The following NLRC4 variants were observed in gnomAD, a reference collection of about 807,000 sequenced individuals.
NLRC4 encodes the protein NLR family CARD domain containing 4.
A neutral mutation model predicts 79.9 loss-of-function variants in NLRC4; 63 were observed. The observed-to-expected ratio is 0.79, with a 90% CI of 0.64 to 0.97. The LOEUF (loss-of-function observed/expected upper bound fraction) is 0.97, where lower values mean the gene tolerates loss of function less well. Among genes scored for constraint, NLRC4 ranks in the 50% least tolerant of loss-of-function variants. NLRC4 has a pLI of 0.00. For synonymous variants in NLRC4, 461 were observed against 456.5 expected (o/e 1.01, Z -0.12); for missense variants, 1,074 against 1,215.2 (o/e 0.88, Z 1.73).
At chr2:32,238,051 A>T in intron 6 of NLRC4, 81 bp downstream of exon 6, 1 of 938,696 alleles carries the variant, frequency 1.1e-6, no homozygotes, top group South Asian at 2.4e-5. Flanking sequence ...TTTCCATTTG[A>T]GACATTTAGT....
chr2:32,263,535 T>G (rs1687400023), intron 1 of NLRC4, among the ~76,000 whole-genome samples: 1 of 152,222 alleles, frequency 6.6e-6, no homozygotes, highest in African/African-American at 2.4e-5. Context: ...GTTGAAGCCC[T>G]GAACCTCAGA....
rs562409988 is a variant in NLRC4, at chr2:32,241,759, A to G, written c.2258-634T>C. Among the ~76,000 whole-genome samples the G allele has an allele frequency of 8.9e-5, 13 of 145,790 alleles. No individual in the cohort carries two copies. The South Asian group carries it at 2.6e-3, about 29-fold the overall frequency. On this transcript the variant is annotated intron_variant, in intron 4 of 8. Coordinates refer to ENST00000402280, the MANE Select transcript of NLRC4 (RefSeq NM_001199138.2). Reference sequence around the variant, plus strand: ...ATGCATTAAAGAAGAAGTCTCATGGAAACTTTGATAATATTTTGAAAAATA... The same window carrying G: ...ATGCATTAAAGAAGAAGTCTCATGGGAACTTTGATAATATTTTGAAAAATA...
chr2:32,253,964 C>A (rs867657414), intron 2 of NLRC4, among the ~76,000 whole-genome samples: 367 of 107,692 alleles, frequency 3.4e-3, no homozygotes, highest in South Asian at 4.7e-3. Context: ...AACTCTGTCT[C>A]AAAAAAAAAA....
At chr2:32,239,528 C>A (rs1686748447) in intron 5 of NLRC4, among the ~76,000 whole-genome samples, 1 of 152,130 alleles carries the variant, frequency 6.6e-6, no homozygotes, top group African/African-American at 2.4e-5. Flanking sequence ...GTTATTCAAT[C>A]TTTTAGCTGA....
In NLRC4 at chr2:32,249,636, A is replaced by G; in HGVS notation, c.2228T>C (p.Ile743Thr). 6.2e-7 allele frequency: 1 copy of G among 1,608,274 alleles called. No homozygotes were observed. Among genetic ancestry groups the G allele is most frequent in the Non-Finnish European group, 8.5e-7 (1 of 1,177,692 alleles). ...CAGCCGTTGATTCTGTAGGTCATGA[A>G]TACTCAAGGTTTTCAGGTTTGTTAC... ...TSVTNLKTLS[I>T]HDLQNQRLPG... Residue 743 changes from isoleucine (I) to threonine (T), a missense_variant, in exon 4 of 9, where the codon ATT becomes ACT. Physicochemically the swap from Ile to Thr is moderately conservative, Grantham distance 89. Transcript: ENST00000402280.
At chr2:32,248,415 A>G (rs1686988749) in intron 4 of NLRC4, among the ~76,000 whole-genome samples, 1 of 152,230 alleles carries the variant, frequency 6.6e-6, no homozygotes, top group South Asian at 2.1e-4. Context: ...TGACATAGAG[A>G]TCATAAGACT....
Position 32,249,666 on chromosome 2 carries a change from G to A in NLRC4, c.2198C>T (p.Thr733Ile), listed in dbSNP as rs374591958. ...CAAGGTTTTCAGGTTTGTTACAGAT[G>A]TGATGTGCCTCTCATCTTCTATGGT... The part of the protein sequence containing the change: ...PLTIEDERHI[T>I]SVTNLKTLSI... Residue 733 changes from threonine (T) to isoleucine (I), a missense_variant, in exon 4 of 9, where the codon ACA becomes ATA. Thr to Ile is a moderately conservative substitution (Grantham distance 89). Coordinates refer to ENST00000402280, the MANE Select transcript of NLRC4 (RefSeq NM_001199138.2). 5 of 1,613,616 alleles carry A rather than the reference G, an allele frequency of 3.1e-6. No individual in the cohort carries two copies. Among genetic ancestry groups the A allele is most frequent in the Non-Finnish European group, 3.4e-6 (4 of 1,179,846 alleles).
chr2:32,249,879 A>G lies in NLRC4; in HGVS notation c.1985T>C (p.Leu662Pro), dbSNP rs183931238. Residue 662 changes from leucine to proline, a missense_variant, in exon 4 of 9, where the codon CTG (leucine) becomes CCG (proline). Coordinates refer to ENST00000402280, the MANE Select transcript of NLRC4 (RefSeq NM_001199138.2). ...GCTGAAATCCCGGAGTGTGACCTCC[A>G]GAGTCCTGAATTCCTGCTTCCAGTT... ...FFNWKQEFRTLEVTLRDFSKL... is the reference protein window; with the variant it reads ...FFNWKQEFRTPEVTLRDFSKL... The G allele has an allele frequency of 2.5e-6, 4 of 1,614,214 alleles. No individual in the cohort carries two copies. The African/African-American group carries it at 4.0e-5, about 16-fold the overall frequency.
rs2148941505 is a variant in NLRC4 at position 32,249,639 on chromosome 2, C to T, written c.2225G>A (p.Ser742Asn). 1 of 1,609,490 alleles carries T rather than the reference C, an allele frequency of 6.2e-7. No individual in the cohort carries two copies. Among genetic ancestry groups the T allele is most frequent in the Non-Finnish European group, 8.5e-7 (1 of 1,178,114 alleles). Residue 742 changes from serine (S) to asparagine (N), a missense_variant, in exon 4 of 9, where the codon AGT becomes AAT. Transcript: ENST00000402280. The part of the protein sequence containing the change: ...ITSVTNLKTL[S>N]IHDLQNQRLP... Reference sequence around the variant, plus strand: ...CCGTTGATTCTGTAGGTCATGAATACTCAAGGTTTTCAGGTTTGTTACAGA... The same window carrying T: ...CCGTTGATTCTGTAGGTCATGAATATTCAAGGTTTTCAGGTTTGTTACAGA...
intron 6 of NLRC4, among the ~76,000 whole-genome samples, chr2:32,237,641 CAGTT>C (rs1469736432): frequency 6.6e-6 from 1 of 152,140 alleles, no homozygotes; most frequent in Non-Finnish European, 1.5e-5. Context: ...CAGAAATATG[CAGTT>C]AGTTTCCCCG....
chr2:32,248,966 G>C (rs1687002256), intron 4 of NLRC4, among the ~76,000 whole-genome samples: 1 of 152,198 alleles, frequency 6.6e-6, no homozygotes, highest in Non-Finnish European at 1.5e-5. Context: ...TTGGAGAAGA[G>C]AGTGATTTCA....
chr2:32,252,723 A>C, intron 2 of NLRC4, 44 bp from the exon 3 acceptor site: 1 of 1,565,712 alleles, frequency 6.4e-7, no homozygotes, highest in Non-Finnish European at 8.8e-7. Context: ...TACTTATATA[A>C]AATGTGCATA....
chr2:32,252,051 C>G (rs1368977402), intron 3 of NLRC4, among the ~76,000 whole-genome samples: 1 of 152,160 alleles, frequency 6.6e-6, no homozygotes, highest in African/African-American at 2.4e-5. Flanking sequence ...ACCAGGAGGC[C>G]TGGACATGGA....
Position 32,238,221 on chromosome 2 carries a change from A to T in NLRC4, c.2432T>A (p.Ile811Lys). 6.2e-7 allele frequency: 1 copy of T among 1,613,584 alleles called. No homozygotes were observed. Among genetic ancestry groups the T allele is most frequent in the Non-Finnish European group, 8.5e-7 (1 of 1,179,546 alleles). ...GGGTTCACTTGACAGAGACTTGACTATGTAATCCATTCCCTCTCCAATGTC... is the reference window on the plus strand; with the variant it reads ...GGGTTCACTTGACAGAGACTTGACTTTGTAATCCATTCCCTCTCCAATGTC... ...LSDIGEGMDY[I>K]VKSLSSEPCD... is the part of the protein sequence containing the mutation. The change falls in exon 6 of 9, where the codon ATA becomes AAA. Residue 811 changes from isoleucine to lysine, a missense_variant. Coordinates refer to ENST00000402280, the MANE Select transcript of NLRC4 (RefSeq NM_001199138.2).
At chr2:32,236,379 G>A in intron 6 of NLRC4, 40 bp from the exon 7 acceptor site, 3 of 1,272,056 alleles carry the variant, frequency 2.4e-6, no homozygotes, top group Non-Finnish European at 3.4e-6. Context: ...AGATTTTCAG[G>A]TAAATATAAA....
rs1230297800 is a variant in NLRC4, at chr2:32,234,402, G to C, written c.2782+999C>G. 5.3e-5 allele frequency among the ~76,000 whole-genome samples: 8 copies of C among 151,614 alleles called. No homozygotes were observed. The East Asian group carries it at 1.5e-3, about 29-fold the overall frequency. On this transcript the variant is annotated intron_variant, in intron 8 of 8. Coordinates refer to ENST00000402280, the MANE Select transcript of NLRC4 (RefSeq NM_001199138.2). ...GTCTAAAAAAAAAACAAAAAACAAA[G>C]AACAAAAACAGTTTAATAAATTGTA...
intron 4 of NLRC4, among the ~76,000 whole-genome samples, chr2:32,245,816 T>A (rs1053168306): frequency 1.3e-5 from 2 of 152,220 alleles, no homozygotes; most frequent in African/African-American, 4.8e-5. Flanking sequence ...AATGAGTTGA[T>A]ACACGAAATT....
In NLRC4 at chr2:32,250,553, T is replaced by C. The variant is rs755272665; in HGVS notation, c.1311A>G (p.Pro437=). ...ATGACTTGTGAAAGAATTTATACTTTGGCTTGAACCTTTGAGCTGTATATT... is the reference window on the plus strand; with the variant it reads ...ATGACTTGTGAAAGAATTTATACTTCGGCTTGAACCTTTGAGCTGTATATT... ...LCKYTAQRFK[P]KYKFFHKSFQ... is the part of the protein sequence containing the mutation. Residue 437 remains proline, a synonymous_variant, in exon 4 of 9, where the codon CCA becomes CCG. Coordinates refer to ENST00000402280, the MANE Select transcript of NLRC4 (RefSeq NM_001199138.2). This position sits in a 1 kb window ranked among gnomAD's most constrained non-coding sequence, Gnocchi z 4.9. 8.7e-6 allele frequency: 14 copies of C among 1,614,116 alleles called. No homozygotes were observed. Among genetic ancestry groups the C allele is most frequent in the East Asian group, 4.5e-5 (2 of 44,896 alleles).
chr2:32,228,451 C>G lies in NLRC4; in HGVS notation c.2783-3686G>C, dbSNP rs140830536. 1.8e-3 allele frequency among the ~76,000 whole-genome samples: 281 copies of G among 152,282 alleles called. 2 individuals are homozygous for G. The highest frequency in any genetic ancestry group is 6.5e-3 in the African/African-American group (272 of 41,558). On this transcript the variant is annotated intron_variant, in intron 8 of 8. Transcript: ENST00000402280. ...CAGAACTCCCTATCAACTTGTGTCTCCCTCTAAAATGTGAAGAGGACAGTG... is the reference window on the plus strand; with the variant it reads ...CAGAACTCCCTATCAACTTGTGTCTGCCTCTAAAATGTGAAGAGGACAGTG...
Sources: allele counts gnomAD v4.1 joint callset (sites outside exome capture counted in the v4.1 genomes callset), GRCh38; gene constraint gnomAD v4.1.1; non-coding constraint Gnocchi (gnomAD v3.1); transcripts MANE v1.5; gene names NCBI Gene and HGNC (gene_info 2026-07-23, HGNC 2026-07-21).